Variants in LIMK2 observed in about 807,000 individuals in gnomAD.
LIMK2 encodes the protein LIM domain kinase 2.
In LIMK2, 35 loss-of-function variants were observed where a neutral mutation model predicts 75.7. The observed-to-expected ratio is 0.46, with a 90% CI of 0.35 to 0.61. The LOEUF is 0.61. Among genes scored for constraint, LIMK2 ranks in the 20% least tolerant of loss-of-function variants. The pLI is 0.00. For missense variants in LIMK2, 623 were observed against 831.0 expected (o/e 0.75, Z 3.08); for synonymous variants, 301 against 319.2 (o/e 0.94, Z 0.61).
intron 2 of LIMK2, among the ~76,000 whole-genome samples, chr22:31,239,488 T>C (rs2048606510): frequency 1.3e-5 from 2 of 152,250 alleles, no homozygotes; most frequent in South Asian, 4.1e-4. Context: ...ATGTTGTTCC[T>C]TCAGGCCAGA....
chr22:31,213,282 G>A (rs2123754645), intron 1 of LIMK2, among the ~76,000 whole-genome samples: 1 of 152,282 alleles, frequency 6.6e-6, no homozygotes, highest in South Asian at 2.1e-4. Flanking sequence ...CCACCCTGCA[G>A]CTTCCTGCCT....
intron 1 of LIMK2, among the ~76,000 whole-genome samples, chr22:31,221,164 A>G (rs1054618523): frequency 6.6e-5 from 10 of 152,152 alleles, no homozygotes; most frequent in Non-Finnish European, 1.0e-4. Flanking sequence ...TGTAAGGACC[A>G]TTTGCTCTTT....
Position 31,212,309 on chromosome 22 carries a change from C to T in LIMK2, c.-100C>T. On this transcript the variant is annotated 5_prime_UTR_variant, in exon 1 of 16. Coordinates refer to ENST00000331728, the MANE Select transcript of LIMK2 (RefSeq NM_005569.4). ...CGCCTGGGGCTGTGGTCTTCCCGCG[C>T]CTGAGGCGGCGGCGGCAGGAGCTGA... The T allele has an allele frequency of 8.1e-7, 1 of 1,239,180 alleles. No homozygotes were observed. The highest frequency in any genetic ancestry group is 1.0e-6 in the Non-Finnish European group (1 of 967,362). The allele number at this position is 1,239,180 out of a possible 1,614,324, so 76.8% of individuals were successfully genotyped here.
chr22:31,247,713 C>A (rs946112164), intron 2 of LIMK2, among the ~76,000 whole-genome samples: 2 of 152,168 alleles, frequency 1.3e-5, no homozygotes, highest in African/African-American at 4.8e-5. Flanking sequence ...CTGTACCTCA[C>A]TTTTCTTGTC....
At chr22:31,236,729 C>T (rs1158032441) in intron 2 of LIMK2, among the ~76,000 whole-genome samples, 1 of 150,760 alleles carries the variant, frequency 6.6e-6, no homozygotes, top group Non-Finnish European at 1.5e-5. Context: ...GCCTGGCCAA[C>T]ATGGTGAAAC....
chr22:31,276,823 T>C, intron 15 of LIMK2: 1 of 1,611,520 alleles, frequency 6.2e-7, no homozygotes, highest in Non-Finnish European at 8.5e-7. Flanking sequence ...GGGCCCGGGC[T>C]GCGCGGATGA....
chr22:31,270,179 G>C (rs959360057), intron 11 of LIMK2, among the ~76,000 whole-genome samples: 4 of 152,194 alleles, frequency 2.6e-5, no homozygotes, highest in Non-Finnish European at 5.9e-5. Context: ...CACCTAATCT[G>C]CAGAGAAGGG....
At chr22:31,273,221 C>T (rs2048976929) in intron 13 of LIMK2, 2 of 216,806 alleles carry the variant, frequency 9.2e-6, no homozygotes, top group African/African-American at 2.4e-5. Context: ...TCCACTTTAA[C>T]GTGCAGTTTC....
intron 2 of LIMK2, among the ~76,000 whole-genome samples, chr22:31,232,050 G>T (rs1268751742): frequency 6.6e-6 from 1 of 151,794 alleles, no homozygotes; most frequent in African/African-American, 2.4e-5. Context: ...TTGAACTCCA[G>T]CGATCCTCCT....
In LIMK2 at chr22:31,262,128, G is replaced by T; in HGVS notation, c.552-6G>T. 6.2e-7 allele frequency: 1 copy of T among 1,612,398 alleles called. No homozygotes were observed. The highest frequency in any genetic ancestry group is 8.5e-7 in the Non-Finnish European group (1 of 1,178,434). On this transcript the variant is annotated splice_polypyrimidine_tract_variant and splice_region_variant and intron_variant, in intron 5 of 15. Coordinates refer to ENST00000331728, the MANE Select transcript of LIMK2 (RefSeq NM_005569.4). This position sits in a 1 kb window ranked among gnomAD's most constrained non-coding sequence, Gnocchi z 5.0. ...TTTACCCTGCCTCAACTCTTGTCTG[G>T]CCCAGGGTCAACCGGATGCACATCA...
At chr22:31,277,537 A>T (rs2049044012) in intron 15 of LIMK2, 1 of 1,006,336 alleles carries the variant, frequency 9.9e-7, no homozygotes, top group Non-Finnish European at 1.2e-6. Context: ...ACACCAGTGT[A>T]AAAGCTTGAG....
intron 1 of LIMK2, chr22:31,222,715 G>A (rs1186965356): frequency 6.6e-6 from 1 of 151,754 alleles, no homozygotes; most frequent in East Asian, 1.9e-4. Context: ...CAGTGGTTTG[G>A]TTTTTTTTAA....
chr22:31,253,340 A>G (rs895591629), intron 2 of LIMK2, among the ~76,000 whole-genome samples: 3 of 152,236 alleles, frequency 2.0e-5, no homozygotes, highest in Non-Finnish European at 2.9e-5. Context: ...GGAAGAACGT[A>G]TGATGTCCAT....
At chr22:31,277,878 G>A (rs1390458391) in intron 15 of LIMK2, among the ~76,000 whole-genome samples, 1 of 152,176 alleles carries the variant, frequency 6.6e-6, no homozygotes, top group Non-Finnish European at 1.5e-5. Flanking sequence ...ATGGTCGTCA[G>A]AGCAGGCCTC....
chr22:31,253,423 G>A (rs1458063541), intron 2 of LIMK2, among the ~76,000 whole-genome samples: 2 of 152,230 alleles, frequency 1.3e-5, no homozygotes, highest in Non-Finnish European at 2.9e-5. Context: ...TGGGTTCTTT[G>A]TTTAAAAGAA....
chr22:31,272,469 TC>T (rs2048968841), intron 12 of LIMK2, 60 bp from the exon 13 acceptor site: 1 of 1,498,096 alleles, frequency 6.7e-7, no homozygotes, highest in South Asian at 1.3e-5. Flanking sequence ...CTATGCTTCC[TC>T]CCCAGGGCCA....
At chr22:31,244,106 C>A (rs1215083303) in intron 2 of LIMK2, among the ~76,000 whole-genome samples, 3 of 152,208 alleles carry the variant, frequency 2.0e-5, no homozygotes, top group Non-Finnish European at 4.4e-5. Flanking sequence ...CCCACCAAGT[C>A]CTTTGTAAGA....
chr22:31,255,184 C>T (rs947742807), intron 2 of LIMK2, among the ~76,000 whole-genome samples: 2 of 152,116 alleles, frequency 1.3e-5, no homozygotes, highest in Non-Finnish European at 2.9e-5. Flanking sequence ...GGTGGGGAAA[C>T]AACCCAGAGA....
At chr22:31,231,799 A>G (rs931660033) in intron 2 of LIMK2, among the ~76,000 whole-genome samples, 2 of 152,120 alleles carry the variant, frequency 1.3e-5, no homozygotes, top group Non-Finnish European at 2.9e-5. Context: ...ATCTGATTCA[A>G]TCTTCATAAT....
Sources: allele counts gnomAD v4.1 joint callset (sites outside exome capture counted in the v4.1 genomes callset), GRCh38; gene constraint gnomAD v4.1.1; non-coding constraint Gnocchi (gnomAD v3.1); transcripts MANE v1.5; gene names NCBI Gene and HGNC (gene_info 2026-07-23, HGNC 2026-07-21).